The following SDK1 variants were observed in gnomAD, a reference collection of about 807,000 sequenced individuals.
SDK1 encodes the protein protein sidekick-1.
In SDK1, 157 loss-of-function variants were observed where a neutral mutation model predicts 245.5. The observed-to-expected ratio is 0.64, with a 90% CI of 0.56 to 0.73. SDK1 has a LOEUF of 0.73. SDK1 is among the 30% of genes least tolerant of loss of function. The pLI, the probability that SDK1 is intolerant of heterozygous loss-of-function variation, is 0.00. For synonymous variants in SDK1, 1,647 were observed against 1,278.5 expected, an observed-to-expected ratio of 1.29 and a Z score of -6.15; for missense variants, 3,583 against 3,002.3, an observed-to-expected ratio of 1.19 and a Z score of -4.52.
At chr7:4,174,384 C>G in intron 33 of SDK1, 27 bp downstream of exon 33, 1 of 1,611,540 alleles carries the variant, frequency 6.2e-7, no homozygotes, top group Non-Finnish European at 8.5e-7. Flanking sequence ...TGTCCTGGTA[C>G]AGGGAGGGAG....
chr7:3,632,812 C>G (rs957015895), intron 2 of SDK1, among the ~76,000 whole-genome samples: 11 of 152,152 alleles, frequency 7.2e-5, no homozygotes, highest in African/African-American at 2.7e-4. Flanking sequence ...ATATATCTCT[C>G]TCTTAACAAA....
intron 4 of SDK1, among the ~76,000 whole-genome samples, chr7:3,644,089 G>C (rs1481205503): frequency 6.6e-6 from 1 of 150,630 alleles, no homozygotes; most frequent in East Asian, 2.0e-4. Flanking sequence ...TTTTAGCAGA[G>C]GTGAGGTTTT....
intron 22 of SDK1, among the ~76,000 whole-genome samples, chr7:4,088,266 C>G (rs202145275): frequency 1.3e-5 from 2 of 152,232 alleles, no homozygotes; most frequent in East Asian, 3.9e-4. Context: ...CTGTTAATGG[C>G]GACAGTTTTT....
rs79343245 is a variant in SDK1, at chr7:4,167,000, G to C, written c.4800+5144G>C. On this transcript the variant is annotated intron_variant, in intron 32 of 44. Coordinates refer to ENST00000404826, the MANE Select transcript of SDK1 (RefSeq NM_152744.4). ...GGCCTTCCCTCCACTCAACTCTGTG[G>C]CTCCAAGGTGCCCACCCTCCTGGGT... Among the ~76,000 whole-genome samples the C allele has an allele frequency of 4.0e-3, 614 of 152,288 alleles. 6 individuals carry two copies. Among genetic ancestry groups the C allele is most frequent in the African/African-American group, 0.014 (586 of 41,556 alleles).
intron 1 of SDK1, among the ~76,000 whole-genome samples, chr7:3,600,808 A>G (rs1210839706): frequency 6.6e-6 from 1 of 152,056 alleles, no homozygotes; most frequent in Non-Finnish European, 1.5e-5. Flanking sequence ...TCGGCCTCCC[A>G]AAGTGCTGGA....
In SDK1 at chr7:3,938,577, C is replaced by T. The variant is rs187967076; in HGVS notation, c.848-12346C>T. Among the ~76,000 whole-genome samples the T allele has an allele frequency of 3.7e-3, 555 of 149,294 alleles. 3 individuals carry two copies. The highest frequency in any genetic ancestry group is 6.8e-3 in the Middle Eastern group (2 of 292). ...AGGAGAATGGCGTGAACCTGGGAGG[C>T]GGAGCTTGCAGTGAGCCAAGATCGC... On this transcript the variant is annotated intron_variant, in intron 5 of 44. Transcript: ENST00000404826.
chr7:3,984,655 C>A (rs2128138265), intron 13 of SDK1, among the ~76,000 whole-genome samples: 1 of 152,190 alleles, frequency 6.6e-6, no homozygotes, highest in South Asian at 2.1e-4. Flanking sequence ...CCCTCTCCTG[C>A]CCTGGCTTCT....
intron 8 of SDK1, among the ~76,000 whole-genome samples, chr7:3,961,537 G>C (rs975121130): frequency 6.6e-6 from 1 of 152,220 alleles, no homozygotes; most frequent in African/African-American, 2.4e-5. Context: ...AGAACCATCT[G>C]AGATCTAGAG....
intron 35 of SDK1, among the ~76,000 whole-genome samples, chr7:4,188,797 C>G (rs1042762889): frequency 1.3e-5 from 2 of 151,950 alleles, no homozygotes; most frequent in Non-Finnish European, 2.9e-5. Flanking sequence ...GTTTTTTCCC[C>G]CGAAACCATC....
At chr7:3,343,256 A>G (rs1264871294) in intron 1 of SDK1, among the ~76,000 whole-genome samples, 1 of 152,216 alleles carries the variant, frequency 6.6e-6, no homozygotes, top group Non-Finnish European at 1.5e-5. Context: ...ATACCCCTAC[A>G]CAGGAAACAG....
chr7:3,480,192 CAGA>C (rs1583921809), intron 1 of SDK1, among the ~76,000 whole-genome samples: 1 of 152,142 alleles, frequency 6.6e-6, no homozygotes, highest in African/African-American at 2.4e-5. Flanking sequence ...AAGAAGTAGG[CAGA>C]AGAAGAGTGG....
intron 4 of SDK1, among the ~76,000 whole-genome samples, chr7:3,689,855 C>A (rs1784397265): frequency 6.6e-6 from 1 of 152,198 alleles, no homozygotes; most frequent in African/African-American, 2.4e-5. Context: ...GCCAAATTAC[C>A]TTTTGCAAAA....
At chr7:3,674,905 T>C (rs1232210696) in intron 4 of SDK1, among the ~76,000 whole-genome samples, 5 of 151,998 alleles carry the variant, frequency 3.3e-5, no homozygotes, top group Admixed American at 3.3e-4. Flanking sequence ...AGGCTGTGAG[T>C]GGTAGGGAGT....
chr7:4,186,701 G>A (rs376424046), intron 35 of SDK1, among the ~76,000 whole-genome samples: 53 of 152,160 alleles, frequency 3.5e-4, no homozygotes, highest in Non-Finnish European at 6.6e-4. Flanking sequence ...TTCCTAGGGA[G>A]AGACCAGAAG....
intron 14 of SDK1, among the ~76,000 whole-genome samples, chr7:3,990,421 C>A (rs1784208367): frequency 6.6e-6 from 1 of 152,120 alleles, no homozygotes; most frequent in Admixed American, 6.5e-5. Flanking sequence ...ATCTTAGCTT[C>A]CATTCAACGG....
In SDK1 at chr7:4,145,729, G is replaced by C. The variant is rs761998667; in HGVS notation, c.4236G>C (p.Gln1412His). The C allele has an allele frequency of 1.9e-6, 3 of 1,605,526 alleles. No individual in the cohort carries two copies. The highest frequency in any genetic ancestry group is 2.7e-5 in the African/African-American group (2 of 74,740). The change falls in exon 29 of 45, where the codon CAG (glutamine) becomes CAC (histidine). Residue 1412 changes from glutamine (Q) to histidine (H), a missense_variant. Physicochemically the swap from Gln to His is conservative, Grantham distance 24. Transcript: ENST00000404826. ...EEPNGIILGY[Q>H]IAYRLASSSP... ...CATGTCACCTGCCTGCAGGGTACCA[G>C]ATTGCCTACCGCCTGGCCAGCAGCA...
chr7:3,503,987 T>C (rs1216730925), intron 1 of SDK1, among the ~76,000 whole-genome samples: 1 of 151,742 alleles, frequency 6.6e-6, no homozygotes, highest in Non-Finnish European at 1.5e-5. Context: ...CTGTCTCTAC[T>C]AAAAATACAA....
At chr7:3,350,711 T>G (rs1780636390) in intron 1 of SDK1, among the ~76,000 whole-genome samples, 1 of 152,198 alleles carries the variant, frequency 6.6e-6, no homozygotes, top group Non-Finnish European at 1.5e-5. Context: ...CATCTTTTCC[T>G]TCTACAGTCA....
chr7:3,885,540 C>T (rs1399108306), intron 5 of SDK1, among the ~76,000 whole-genome samples: 1 of 152,194 alleles, frequency 6.6e-6, no homozygotes, highest in Non-Finnish European at 1.5e-5. Context: ...CCCCGTCTAG[C>T]ACCTCAGGCC....
Sources: allele counts gnomAD v4.1 joint callset (sites outside exome capture counted in the v4.1 genomes callset), GRCh38; gene constraint gnomAD v4.1.1; transcripts MANE v1.5; gene names NCBI Gene and HGNC (gene_info 2026-07-23, HGNC 2026-07-21).